Variants in TOX3 observed in about 807,000 individuals in gnomAD.
TOX3 encodes the protein TOX high mobility group box family member 3.
Under a neutral mutation model 64.3 loss-of-function variants are expected in TOX3, and 22 were observed. The ratio of observed to expected loss-of-function variants is 0.34; its 90% CI spans 0.24 to 0.49. TOX3 has a LOEUF of 0.49. Among genes scored for constraint, TOX3 ranks in the 20% least tolerant of loss-of-function variants. The pLI, the probability that TOX3 is intolerant of heterozygous loss-of-function variation, is 0.99. For synonymous variants in TOX3, 291 were observed against 273.6 expected (o/e 1.06, Z -0.63); for missense variants, 661 against 714.4 (o/e 0.93, Z 0.85).
At chr16:52,451,344 C>T (rs1230959412) in intron 3 of TOX3, among the ~76,000 whole-genome samples, 1 of 152,070 alleles carries the variant, frequency 6.6e-6, no homozygotes, top group Non-Finnish European at 1.5e-5. Flanking sequence ...TGGTAGAAAC[C>T]ATCAGAAATA....
intron 1 of TOX3, among the ~76,000 whole-genome samples, chr16:52,508,442 A>G (rs1256601222): frequency 6.6e-6 from 1 of 152,198 alleles, no homozygotes; most frequent in African/African-American, 2.4e-5. Context: ...TACTCAGACC[A>G]TGGAATACTG....
chr16:52,481,552 C>A (rs1961368927), intron 1 of TOX3, among the ~76,000 whole-genome samples: 1 of 152,174 alleles, frequency 6.6e-6, no homozygotes, highest in Non-Finnish European at 1.5e-5. Context: ...AACATATAAT[C>A]ACTTAAGCCA....
At chr16:52,442,830 CT>C (rs1178304521) in intron 6 of TOX3, among the ~76,000 whole-genome samples, 1 of 152,038 alleles carries the variant, frequency 6.6e-6, no homozygotes, top group Non-Finnish European at 1.5e-5. Context: ...AAATTTATTC[CT>C]TCTAAATTCT....
intron 3 of TOX3, among the ~76,000 whole-genome samples, chr16:52,451,249 CACTTAA>C (rs1960336059): frequency 6.6e-6 from 1 of 152,094 alleles, no homozygotes; most frequent in Non-Finnish European, 1.5e-5. Context: ...TCACTTTTTT[CACTTAA>C]ACTTACTTTG....
In TOX3 at chr16:52,460,729, AG is replaced by A. The variant is rs200537306; in HGVS notation, c.408+3204del. Among the ~76,000 whole-genome samples, 267 of 151,750 alleles carry A rather than the reference AG, an allele frequency of 1.8e-3. 1 individual carries two copies. The highest frequency in any genetic ancestry group is 9.7e-3 in the East Asian group (50 of 5,130). ...ACTTAAGCCAAATAAGAAAAAAAAA[AG>A]AAATGTTGAATGCTGGCAAAGGCTA... On this transcript the variant is annotated intron_variant, in intron 3 of 6. Coordinates refer to ENST00000219746, the MANE Select transcript of TOX3 (RefSeq NM_001080430.4).
chr16:52,463,996 T>C lies in TOX3; in HGVS notation c.346A>G (p.Ile116Val). The C allele has an allele frequency of 6.3e-7, 1 of 1,597,834 alleles. No homozygotes were observed. The highest frequency in any genetic ancestry group is 8.5e-7 in the Non-Finnish European group (1 of 1,171,948). The change falls in exon 3 of 7, where the codon ATT becomes GTT. Residue 116 changes from isoleucine to valine, a missense_variant. Around this residue, in one of 3 missense-constraint regions of TOX3, gnomAD observed 259 missense variants for 261.2 expected, o/e 0.99. Coordinates refer to ENST00000219746, the MANE Select transcript of TOX3 (RefSeq NM_001080430.4). Reference protein sequence around the residue: ...FPPQSLDLPSITISRNLVEQD... With the variant: ...FPPQSLDLPSVTISRNLVEQD... ...TCCACGAGATTTCTTGAGATTGTAA[T>C]GGAAGGGAGGTCCAGGCTTTGAGGG...
chr16:52,452,651 C>A (rs1205622593), intron 3 of TOX3, among the ~76,000 whole-genome samples: 10 of 147,488 alleles, frequency 6.8e-5, no homozygotes, highest in African/African-American at 2.3e-4. Flanking sequence ...GCACATTGTG[C>A]ACATGTACCC....
At chr16:52,525,587 C>CT (rs760728877) in intron 1 of TOX3, among the ~76,000 whole-genome samples, 75 of 152,230 alleles carry the variant, frequency 4.9e-4, no homozygotes, top group Non-Finnish European at 9.1e-4. Context: ...AAGGCAATAA[C>CT]TAAAAAGAGG....
At chr16:52,442,123 A>G (rs1412114272) in intron 6 of TOX3, among the ~76,000 whole-genome samples, 4 of 152,200 alleles carry the variant, frequency 2.6e-5, no homozygotes, top group Non-Finnish European at 5.9e-5. Context: ...CGGTAAATGG[A>G]GATGGGTGGA....
Position 52,462,874 on chromosome 16 carries a change from T to G in TOX3, c.408+1060A>C, listed in dbSNP as rs573711899. On this transcript the variant is annotated intron_variant, in intron 3 of 6. Transcript: ENST00000219746. ...AAAAAGTAAAAAATAAAAACCCTGATGTTCAGCTCAAACACAAAAGATCAC... is the reference window on the plus strand; with the variant it reads ...AAAAAGTAAAAAATAAAAACCCTGAGGTTCAGCTCAAACACAAAAGATCAC... Among the ~76,000 whole-genome samples, 8 of 151,914 alleles carry G rather than the reference T, an allele frequency of 5.3e-5. No individual in the cohort carries two copies. The East Asian group carries it at 1.5e-3, about 29-fold the overall frequency.
At chr16:52,529,196 A>G (rs567414612) in intron 1 of TOX3, among the ~76,000 whole-genome samples, 1 of 152,224 alleles carries the variant, frequency 6.6e-6, no homozygotes, top group Non-Finnish European at 1.5e-5. Flanking sequence ...TCCTGTTTTC[A>G]TCATTTCAGT....
intron 1 of TOX3, among the ~76,000 whole-genome samples, chr16:52,491,001 G>T (rs1961667859): frequency 6.6e-6 from 1 of 152,092 alleles, no homozygotes; most frequent in Non-Finnish European, 1.5e-5. Flanking sequence ...TTTCAATAGG[G>T]TTAGTCTTCC....
chr16:52,521,547 C>T (rs1453153615), intron 1 of TOX3, among the ~76,000 whole-genome samples: 2 of 152,172 alleles, frequency 1.3e-5, no homozygotes, highest in East Asian at 3.8e-4. Context: ...ATATGTTTTG[C>T]CTTTGTGCAT....
chr16:52,468,388 G>T, intron 2 of TOX3, 121 bp downstream of exon 2: 1 of 766,256 alleles, frequency 1.3e-6, no homozygotes, highest in Non-Finnish European at 2.1e-6. Context: ...CTCCTCCAAA[G>T]TAGTTACCTT....
chr16:52,477,625 T>C (rs1195240977), intron 1 of TOX3, among the ~76,000 whole-genome samples: 1 of 152,154 alleles, frequency 6.6e-6, no homozygotes, highest in Non-Finnish European at 1.5e-5. Context: ...GCTGTCTTAC[T>C]TGCCTTAAGA....
intron 1 of TOX3, among the ~76,000 whole-genome samples, chr16:52,536,438 A>G (rs909369843): frequency 6.6e-6 from 1 of 151,202 alleles, no homozygotes; most frequent in Non-Finnish European, 1.5e-5. Context: ...GTTCAAAAAG[A>G]TGGGATGAAG....
intron 1 of TOX3, among the ~76,000 whole-genome samples, chr16:52,503,575 C>T (rs765952130): frequency 5.3e-5 from 8 of 152,158 alleles, no homozygotes; most frequent in Non-Finnish European, 1.2e-4. Context: ...ACCTTGGTTT[C>T]CAAGCTAAAG....
At chr16:52,489,928 C>T (rs915679222) in intron 1 of TOX3, among the ~76,000 whole-genome samples, 3 of 152,144 alleles carry the variant, frequency 2.0e-5, no homozygotes, top group African/African-American at 7.2e-5. Flanking sequence ...ACCAGCAATC[C>T]TAACCAATCT....
rs1963200922 is a variant in TOX3, at chr16:52,546,707, T to C, written c.17A>G (p.Tyr6Cys). The C allele has an allele frequency of 1.3e-6, 2 of 1,537,330 alleles. No individual in the cohort carries two copies. The highest frequency in any genetic ancestry group is 1.7e-6 in the Non-Finnish European group (2 of 1,146,040). ...GGCAGGGTCCCCGGCCGCCGCGGGG[T>C]AGAACCTCACATCCATGCCGAAGCT... MDVRF[Y>C]PAAAGDPASL... The change falls in exon 1 of 7, where the codon TAC becomes TGC. Residue 6 changes from tyrosine to cysteine, a missense_variant. Transcript: ENST00000219746.
Sources: allele counts gnomAD v4.1 joint callset (sites outside exome capture counted in the v4.1 genomes callset), GRCh38; gene constraint gnomAD v4.1.1; regional missense constraint gnomAD v4.1.1; transcripts MANE v1.5; gene names NCBI Gene and HGNC (gene_info 2026-07-23, HGNC 2026-07-21).